Variants in GABPB2 observed in about 807,000 individuals in gnomAD.
GABPB2 encodes the protein GA binding protein transcription factor subunit beta 2.
GABPB2 carries 23 observed loss-of-function variants against 39.1 expected under a neutral mutation model. That is an observed-to-expected ratio of 0.59 (90% CI 0.42 to 0.83). GABPB2 has a LOEUF of 0.83. Among genes scored for constraint, GABPB2 ranks in the 40% least tolerant of loss-of-function variants. The pLI, the probability that GABPB2 is intolerant of heterozygous loss-of-function variation, is 0.00. For missense variants in GABPB2, 467 were observed against 541.1 expected, an observed-to-expected ratio of 0.86 and a Z score of 1.36; for synonymous variants, 184 against 199.3, an observed-to-expected ratio of 0.92 and a Z score of 0.65.
intron 5 of GABPB2, among the ~76,000 whole-genome samples, chr1:151,099,722 C>T (rs1186834167): frequency 6.6e-6 from 1 of 152,154 alleles, no homozygotes; most frequent in Non-Finnish European, 1.5e-5. Flanking sequence ...ATGTGATATA[C>T]ACAGAATTTT....
rs587665240 is a variant in GABPB2, at chr1:151,111,459, G to A, written c.922+4237G>A. Among the ~76,000 whole-genome samples the A allele has an allele frequency of 1.2e-3, 174 of 145,578 alleles. 1 individual carries two copies. The highest frequency in any genetic ancestry group is 4.1e-3 in the African/African-American group (158 of 38,894). On this transcript the variant is annotated intron_variant, in intron 7 of 8. Transcript: ENST00000368918. ...TTTTTTTGAGACAGAGTCTCGCTCT[G>A]TCACCCAGGCTGGAGTGCAGTGGCG...
At chr1:151,106,722 C>G (rs1032420597) in intron 6 of GABPB2, among the ~76,000 whole-genome samples, 1 of 152,174 alleles carries the variant, frequency 6.6e-6, no homozygotes, top group African/African-American at 2.4e-5. Context: ...GTCTCTGATA[C>G]TCCTACAAAA....
At chr1:151,073,500 C>T (rs1676892935) in intron 1 of GABPB2, among the ~76,000 whole-genome samples, 1 of 152,122 alleles carries the variant, frequency 6.6e-6, no homozygotes, top group Non-Finnish European at 1.5e-5. Context: ...AGGTATTGAC[C>T]ACCTGCCAGA....
chr1:151,115,333 G>T (rs587752744), intron 7 of GABPB2, among the ~76,000 whole-genome samples: 1 of 151,794 alleles, frequency 6.6e-6, no homozygotes, highest in South Asian at 2.1e-4. Flanking sequence ...ACTCCAGCCT[G>T]AATAATAAGA....
intron 1 of GABPB2, among the ~76,000 whole-genome samples, chr1:151,078,147 G>A (rs587733070): frequency 3.3e-5 from 5 of 150,056 alleles, no homozygotes; most frequent in African/African-American, 1.2e-4. Context: ...GCACGAGCCT[G>A]TAGTCCGAGC....
intron 4 of GABPB2, among the ~76,000 whole-genome samples, chr1:151,095,628 C>T (rs944176181): frequency 6.6e-5 from 10 of 152,172 alleles, no homozygotes; most frequent in Admixed American, 2.0e-4. Context: ...ATAGCACTTA[C>T]TAGATGTCTG....
Position 151,083,262 on chromosome 1 carries a change from A to G in GABPB2, c.1-4928A>G, listed in dbSNP as rs949582755. On this transcript the variant is annotated intron_variant, in intron 1 of 8. Coordinates refer to ENST00000368918, the MANE Select transcript of GABPB2 (RefSeq NM_144618.3). ...GTCTTTAATGTGAGTTACCAAGTTG[A>G]TGGTGGTGGTTATAGATTTTCCAAA... is the stretch of plus-strand genomic sequence containing the variant. 4.0e-5 allele frequency among the ~76,000 whole-genome samples: 6 copies of G among 151,448 alleles called. No individual in the cohort carries two copies. The South Asian group carries it at 6.2e-4, about 16-fold the overall frequency.
intron 3 of GABPB2, 28 bp from the exon 4 acceptor site, chr1:151,093,164 T>C: frequency 1.3e-6 from 2 of 1,530,514 alleles, no homozygotes; most frequent in Middle Eastern, 1.8e-4. Context: ...AACCGCTGTT[T>C]GTTGAAAAAA....
Position 151,118,191 on chromosome 1 carries a change from GTGAC to G in GABPB2, c.1285_1288del (p.Thr429GlyfsTer32), listed in dbSNP as rs747773629. The G allele has an allele frequency of 3.1e-6, 5 of 1,614,150 alleles. No individual in the cohort carries two copies. In the Admixed American group the frequency reaches 8.3e-5, roughly 27 times the overall value. On this transcript the variant is annotated frameshift_variant, in exon 9 of 9. Transcript: ENST00000368918. LOFTEE classifies it high-confidence loss of function. ...GGAGTTGGAAGAGAGAGAGACAAAA[GTGAC>G]TGGGTCAGCAGGGACCACAGAGCCT...
At chr1:151,116,204 C>T (rs1246522195) in intron 7 of GABPB2, among the ~76,000 whole-genome samples, 2 of 151,860 alleles carry the variant, frequency 1.3e-5, no homozygotes, top group South Asian at 4.2e-4. Flanking sequence ...CCAGACTGAC[C>T]AACACGGAGA....
At chr1:151,081,393 G>A (rs11204770) in intron 1 of GABPB2, among the ~76,000 whole-genome samples, 7,293 of 151,988 alleles carry the variant, frequency 0.048, 296 homozygotes, top group African/African-American at 0.1. Context: ...GGAGGCTGAG[G>A]CACAAGAATC....
chr1:151,082,483 G>C (rs933637928), intron 1 of GABPB2, among the ~76,000 whole-genome samples: 1 of 135,598 alleles, frequency 7.4e-6, no homozygotes, highest in African/African-American at 2.8e-5. Context: ...CTCACTGCAG[G>C]CTCCGCCTCC....
At chr1:151,079,872 C>G (rs897359463) in intron 1 of GABPB2, among the ~76,000 whole-genome samples, 2 of 149,692 alleles carry the variant, frequency 1.3e-5, no homozygotes, top group Admixed American at 6.7e-5. Flanking sequence ...CTCTAGCCTG[C>G]GTAACGAGCA....
At chr1:151,071,522 G>GGCTCACTGCAACCTGCA (rs1255357484) in intron 1 of GABPB2, among the ~76,000 whole-genome samples, 1 of 143,314 alleles carries the variant, frequency 7.0e-6, no homozygotes, top group Admixed American at 7.3e-5. Flanking sequence ...GCGCGATTTC[G>GGCTCACTGCAACCTGCA]GCTCACTGCA....
At position 151,117,833 on chromosome 1, in the gene GABPB2, C is replaced by T. The variant is rs1680996817; in HGVS notation, c.1048-124C>T. 4.2e-6 allele frequency: 4 copies of T among 949,848 alleles called. No homozygotes were observed. In the Admixed American group the frequency reaches 9.3e-5, roughly 22 times the overall value. The allele number at this position is 949,848 out of a possible 1,614,324, so 58.8% of individuals were successfully genotyped here. ...TCTTGACCTCAGATAATCTGCCTAC[C>T]TCTGCCTCCCAAAGTGCTTGGATTA... is the stretch of plus-strand genomic sequence containing the variant. On this transcript the variant is annotated intron_variant, in intron 8 of 8. Transcript: ENST00000368918.
intron 1 of GABPB2, among the ~76,000 whole-genome samples, chr1:151,071,411 T>C (rs981754433): frequency 1.3e-5 from 2 of 151,202 alleles, no homozygotes; most frequent in Admixed American, 1.3e-4. Flanking sequence ...AACTCGGTAA[T>C]CTGAATGAGA....
At chr1:151,095,579 G>A (rs1174037286) in intron 4 of GABPB2, among the ~76,000 whole-genome samples, 1 of 152,140 alleles carries the variant, frequency 6.6e-6, no homozygotes, top group Non-Finnish European at 1.5e-5. Context: ...CTACTATTTC[G>A]CCACGTAGCA....
intron 4 of GABPB2, among the ~76,000 whole-genome samples, chr1:151,095,762 G>C (rs1679051380): frequency 6.6e-6 from 1 of 152,156 alleles, no homozygotes; most frequent in African/African-American, 2.4e-5. Flanking sequence ...GGCCAGGCAT[G>C]GTAGCTCACG....
chr1:151,116,546 G>A (rs587668076), intron 7 of GABPB2, among the ~76,000 whole-genome samples: 2 of 152,154 alleles, frequency 1.3e-5, no homozygotes, highest in Non-Finnish European at 2.9e-5. Context: ...TTTTATTAGA[G>A]GTCTCAAAAA....
Sources: allele counts gnomAD v4.1 joint callset (sites outside exome capture counted in the v4.1 genomes callset), GRCh38; gene constraint gnomAD v4.1.1; transcripts MANE v1.5; gene names NCBI Gene and HGNC (gene_info 2026-07-23, HGNC 2026-07-21).